Variants in SLC3A1 observed in about 807,000 individuals in gnomAD.
SLC3A1 encodes the protein amino acid transporter heavy chain SLC3A1.
Under a neutral mutation model 60.3 loss-of-function variants are expected in SLC3A1, and 78 were observed. The ratio of observed to expected loss-of-function variants is 1.29; its 90% CI spans 1.08 to 1.56. SLC3A1 has a LOEUF of 1.56. SLC3A1 is among the 40% of genes most tolerant of loss of function. The pLI, the probability that SLC3A1 is intolerant of heterozygous loss-of-function variation, is 0.00. For missense variants in SLC3A1, 1,172 were observed against 858.9 expected (o/e 1.36, Z -4.56); for synonymous variants, 392 against 307.9 (o/e 1.27, Z -2.86).
chr2:44,291,872 CCTT>C (rs1443675162), intron 4 of SLC3A1, among the ~76,000 whole-genome samples: 6 of 152,246 alleles, frequency 3.9e-5, no homozygotes, highest in South Asian at 4.1e-4. Flanking sequence ...CCTCTGCTGT[CCTT>C]CTCTTTCTCC....
intron 9 of SLC3A1, chr2:44,318,194 G>A (rs1418856580): frequency 7.2e-6 from 3 of 414,076 alleles, no homozygotes; most frequent in African/African-American, 2.1e-5. Context: ...GGGTTCAAGT[G>A]ATTCTCCTGC....
chr2:44,303,920 T>A, intron 6 of SLC3A1: 1 of 620,902 alleles, frequency 1.6e-6, no homozygotes, highest in Non-Finnish European at 2.9e-6. Flanking sequence ...TCATCCTTTT[T>A]TATGGCTGCA....
At chr2:44,307,468 G>C (rs938609601) in intron 7 of SLC3A1, among the ~76,000 whole-genome samples, 2 of 151,978 alleles carry the variant, frequency 1.3e-5, no homozygotes, top group Non-Finnish European at 2.9e-5. Flanking sequence ...GCAATGTTAC[G>C]AGGGTTCCAA....
chr2:44,283,828 C>G (rs1305484098), intron 3 of SLC3A1, among the ~76,000 whole-genome samples: 1 of 147,854 alleles, frequency 6.8e-6, no homozygotes, highest in Non-Finnish European at 1.5e-5. Context: ...TTAGTTTCCT[C>G]TATTTTGAAC....
rs1442444270 is a variant in SLC3A1 at position 44,299,989 on chromosome 2, C to A, written c.910C>A (p.Leu304Ile). The A allele has an allele frequency of 2.5e-6, 4 of 1,614,018 alleles. No individual in the cohort carries two copies. In the East Asian group the frequency reaches 8.9e-5, roughly 36 times the overall value. ...TCTTTAGGAAATTTTACGGTTCTGG[C>A]TCACAAAGGGTGTTGATGGTTTTAG... ...EEIKEILRFW[L>I]TKGVDGFSLD... Residue 304 changes from leucine (L) to isoleucine (I), a missense_variant, in exon 5 of 10, where the codon CTC becomes ATC. Transcript: ENST00000260649.
downstream of SLC3A1, chr2:44,321,609 A>T: frequency 6.8e-7 from 1 of 1,480,650 alleles, no homozygotes; most frequent in Non-Finnish European, 8.9e-7. Flanking sequence ...AACAATTAAG[A>T]TTAAATTATT....
chr2:44,296,735 G>A (rs1671859221), intron 4 of SLC3A1, among the ~76,000 whole-genome samples: 1 of 152,160 alleles, frequency 6.6e-6, no homozygotes, highest in Non-Finnish European at 1.5e-5. Flanking sequence ...AGTTGATATG[G>A]TTTGGCTGTG....
At chr2:44,303,290 C>G (rs1672064878) in intron 6 of SLC3A1, among the ~76,000 whole-genome samples, 1 of 145,240 alleles carries the variant, frequency 6.9e-6, no homozygotes, top group Non-Finnish European at 1.5e-5. Context: ...GTTGCCCAGG[C>G]TGGAGTGTGG....
At chr2:44,305,675 A>C (rs1460657018) in intron 7 of SLC3A1, among the ~76,000 whole-genome samples, 1 of 151,746 alleles carries the variant, frequency 6.6e-6, no homozygotes, top group Non-Finnish European at 1.5e-5. Flanking sequence ...ATCCACCCCC[A>C]CCTCAGCCTC....
At chr2:44,314,119 T>C in intron 9 of SLC3A1, 168 bp downstream of exon 9, 1 of 1,486,056 alleles carries the variant, frequency 6.7e-7, no homozygotes, top group Non-Finnish European at 9.1e-7. Context: ...ATCATGCCTT[T>C]GTGAAAATAC....
chr2:44,275,878 C>G lies in SLC3A1; in HGVS notation c.343C>G (p.Leu115Val). 1 of 1,614,236 alleles carries G rather than the reference C, an allele frequency of 6.2e-7. No individual in the cohort carries two copies. Among genetic ancestry groups the G allele is most frequent in the Non-Finnish European group, 8.5e-7 (1 of 1,180,048 alleles). ...CATCATTGCCCTCTCTCCAAAGTGC[C>G]TAGACTGGTGGCAGGAGGGGCCCAT... ...IAIIALSPKCLDWWQEGPMYQ... is the reference protein window; with the variant it reads ...IAIIALSPKCVDWWQEGPMYQ... Residue 115 changes from leucine to valine, a missense_variant, in exon 1 of 10, where the codon CTA becomes GTA. Coordinates refer to ENST00000260649, the MANE Select transcript of SLC3A1 (RefSeq NM_000341.4).
In SLC3A1 at chr2:44,304,250, T is replaced by A; in HGVS notation, c.1244T>A (p.Met415Lys). The A allele has an allele frequency of 6.2e-7, 1 of 1,614,138 alleles. No individual in the cohort carries two copies. Among genetic ancestry groups the A allele is most frequent in the Non-Finnish European group, 8.5e-7 (1 of 1,179,960 alleles). Residue 415 changes from methionine to lysine, a missense_variant, in exon 7 of 10, where the codon ATG (methionine) becomes AAG (lysine). Coordinates refer to ENST00000260649, the MANE Select transcript of SLC3A1 (RefSeq NM_000341.4). ...TTTCCCTTCAACAATTACCTCAGCATGCTAGACACTGTTTCTGGGAACAGC... is the reference window on the plus strand; with the variant it reads ...TTTCCCTTCAACAATTACCTCAGCAAGCTAGACACTGTTTCTGGGAACAGC... ...ADFPFNNYLSMLDTVSGNSVY... is the reference protein window; with the variant it reads ...ADFPFNNYLSKLDTVSGNSVY...
chr2:44,320,814 T>A lies in SLC3A1; in HGVS notation c.*175T>A, dbSNP rs988923059. 3 of 644,130 alleles carry A rather than the reference T, an allele frequency of 4.7e-6. No homozygotes were observed. The African/African-American group carries it at 5.5e-5, about 12-fold the overall frequency. 39.9% of individuals were successfully genotyped at this position (644,130 alleles called of 1,614,324 possible). On this transcript the variant is annotated 3_prime_UTR_variant, in exon 10 of 10. Transcript: ENST00000260649. ...AAATGTTTTGAAAAAAATAAAATGT[T>A]TAAAAGTAAATTATGGCTTATAGGA... is the stretch of plus-strand genomic sequence containing the variant.
chr2:44,310,272 T>A (rs555945055), intron 7 of SLC3A1, among the ~76,000 whole-genome samples: 1 of 152,340 alleles, frequency 6.6e-6, no homozygotes, highest in South Asian at 2.1e-4. Context: ...TACATTCCCA[T>A]CAGCCATGTA....
intron 7 of SLC3A1, among the ~76,000 whole-genome samples, chr2:44,311,166 T>C (rs982846963): frequency 1.3e-5 from 2 of 152,224 alleles, no homozygotes; most frequent in African/African-American, 4.8e-5. Context: ...CTGATTCCTT[T>C]GCTAGTTCAA....
chr2:44,288,362 C>A (rs1181216980), intron 4 of SLC3A1, among the ~76,000 whole-genome samples: 9 of 151,972 alleles, frequency 5.9e-5, no homozygotes, highest in Non-Finnish European at 1.3e-4. Context: ...AAAAAGAAAC[C>A]CCATATCCAT....
At chr2:44,314,967 T>C (rs1672392239) in intron 9 of SLC3A1, 1 of 150,360 alleles carries the variant, frequency 6.7e-6, no homozygotes, top group Non-Finnish European at 1.5e-5. Context: ...GTTTTGCTTT[T>C]GTTGCCCGGG....
At chr2:44,296,185 C>G (rs1480363827) in intron 4 of SLC3A1, among the ~76,000 whole-genome samples, 1 of 152,172 alleles carries the variant, frequency 6.6e-6, no homozygotes, top group African/African-American at 2.4e-5. Context: ...TTCCTGTTTG[C>G]CAGCTGCAAA....
chr2:44,313,606 CGATTAG>C (rs1672351316), intron 8 of SLC3A1, among the ~76,000 whole-genome samples: 1 of 152,120 alleles, frequency 6.6e-6, no homozygotes. Flanking sequence ...TATTAAAGTT[CGATTAG>C]TATTGTCTAT....
Sources: gnomAD v4.1 joint callset for allele counts (sites outside exome capture counted in the v4.1 genomes callset) on GRCh38, gnomAD v4.1.1 for gene constraint, MANE v1.5 for transcripts, NCBI Gene and HGNC (gene_info 2026-07-23, HGNC 2026-07-21) for gene names.